The following ILDR1 variants were observed in gnomAD, a reference collection of about 807,000 sequenced individuals.
ILDR1 encodes immunoglobulin like domain containing receptor 1, also known as immunoglobulin-like domain-containing receptor 1.
In ILDR1, 56 loss-of-function variants were observed where a neutral mutation model predicts 62.4. That is an observed-to-expected ratio of 0.90 (90% CI 0.72 to 1.12). The LOEUF is 1.12. Ranked by LOEUF, ILDR1 falls within the 50% of genes most tolerant of loss-of-function variation. The pLI, the probability that ILDR1 is intolerant of heterozygous loss-of-function variation, is 0.00. For missense variants in ILDR1, 736 were observed against 710.6 expected (o/e 1.04, Z -0.41); for synonymous variants, 284 against 277.8 (o/e 1.02, Z -0.22).
chr3:122,053,902 AT>A, the ILDR1 span, among the ~76,000 whole-genome samples: 10 of 152,144 alleles, frequency 6.6e-5, no homozygotes, highest in African/African-American at 9.7e-5. Flanking sequence ...GTTTACATGG[AT>A]TTTTTTATCT....
the ILDR1 span, among the ~76,000 whole-genome samples, chr3:122,033,172 C>T: frequency 2.0e-5 from 3 of 152,106 alleles, no homozygotes; most frequent in South Asian, 6.2e-4. Context: ...ACAGTCTTTT[C>T]AATTATAGCT....
intron 1 of ILDR1, among the ~76,000 whole-genome samples, chr3:122,008,968 C>T (rs893028742): frequency 6.6e-6 from 1 of 151,080 alleles, no homozygotes; most frequent in African/African-American, 2.4e-5. Context: ...CAGTCTTGCT[C>T]TGTTGCCCAG....
rs748280061 is a variant in ILDR1 at position 121,993,171 on chromosome 3, T to C, written c.1578A>G (p.Lys526=). Residue 526 remains lysine (K), a synonymous_variant, in exon 7 of 8, where the codon AAA becomes AAG. Transcript: ENST00000344209. ...DITPGKNSRK[K]GSVERRSEKD... is the part of the protein sequence containing the mutation. Reference sequence around the variant, plus strand: ...TCACCGAGCGCCTCTCCACACTCCCTTTTTTCCTGCTATTCTTGCCTGGAG... The same window carrying C: ...TCACCGAGCGCCTCTCCACACTCCCCTTTTTCCTGCTATTCTTGCCTGGAG... The C allele has an allele frequency of 1.2e-5, 19 of 1,605,964 alleles. No individual in the cohort carries two copies. The highest frequency in any genetic ancestry group is 1.5e-5 in the Non-Finnish European group (18 of 1,176,030).
chr3:122,005,211 C>CCCCCATTT, intron 3 of ILDR1, 33 bp downstream of exon 3: 1 of 1,240,080 alleles, frequency 8.1e-7, no homozygotes, highest in Non-Finnish European at 1.2e-6. Context: ...CTCCCCCCAC[C>CCCCCATTT]CCCAGTTCCC....
At position 122,005,314 on chromosome 3, in the gene ILDR1, G is replaced by A; in HGVS notation, c.309C>T (p.Ala103=). Residue 103 remains alanine (A), a synonymous_variant, in exon 3 of 8, where the codon GCC becomes GCT. Coordinates refer to ENST00000344209, the MANE Select transcript of ILDR1 (RefSeq NM_001199799.2). ...CGGGCTCATTCTGCCCCCGCCGCTG[G>A]GCCACTATGCGAACTTCCCGCTGGT... The part of the protein sequence containing the change: ...NDNQREVRIV[A]QRRGQNEPVL... The A allele has an allele frequency of 1.2e-6, 2 of 1,613,980 alleles. No individual in the cohort carries two copies. The highest frequency in any genetic ancestry group is 1.7e-6 in the Non-Finnish European group (2 of 1,179,988).
chr3:122,036,436 A>C, the ILDR1 span, among the ~76,000 whole-genome samples: 3 of 152,038 alleles, frequency 2.0e-5, no homozygotes, highest in East Asian at 5.8e-4. Flanking sequence ...AAAAATACAA[A>C]AAATTAGCCA....
intron 3 of ILDR1, among the ~76,000 whole-genome samples, chr3:122,004,357 G>A (rs1487812729): frequency 2.6e-5 from 4 of 152,202 alleles, no homozygotes; most frequent in Non-Finnish European, 2.9e-5. Flanking sequence ...GATAACTAAT[G>A]CTTACTGCCC....
At chr3:121,988,976 C>T (rs761266632) in intron 7 of ILDR1, among the ~76,000 whole-genome samples, 2 of 152,140 alleles carry the variant, frequency 1.3e-5, no homozygotes, top group Admixed American at 6.5e-5. Flanking sequence ...TCCACTTCCT[C>T]GGTGAGGGTG....
chr3:122,047,247 G>C, the ILDR1 span, among the ~76,000 whole-genome samples: 3 of 152,078 alleles, frequency 2.0e-5, no homozygotes, highest in South Asian at 6.3e-4. Context: ...CAGGGGTCAG[G>C]GACCCACTTG....
the ILDR1 span, among the ~76,000 whole-genome samples, chr3:122,035,650 T>C: frequency 1.3e-5 from 2 of 152,192 alleles, no homozygotes; most frequent in Non-Finnish European, 2.9e-5. Flanking sequence ...TGCTCCACTA[T>C]GGTAAGATGT....
At chr3:122,060,954 G>C in the ILDR1 span, among the ~76,000 whole-genome samples, 1 of 152,132 alleles carries the variant, frequency 6.6e-6, no homozygotes, top group Non-Finnish European at 1.5e-5. Flanking sequence ...TTAGAGTTTG[G>C]AATAGAGAAG....
At chr3:122,005,756 A>C (rs751843567) in intron 2 of ILDR1, among the ~76,000 whole-genome samples, 3 of 151,812 alleles carry the variant, frequency 2.0e-5, no homozygotes, top group Non-Finnish European at 4.4e-5. Context: ...CCTGCCCTTA[A>C]AACATAAGGT....
the ILDR1 span, among the ~76,000 whole-genome samples, chr3:122,051,876 C>T: frequency 6.6e-6 from 1 of 152,164 alleles, no homozygotes; most frequent in Non-Finnish European, 1.5e-5. Flanking sequence ...TGGGCTTATG[C>T]ACGTAGATTC....
At chr3:122,007,497 T>C (rs989827910) in intron 1 of ILDR1, among the ~76,000 whole-genome samples, 28 of 152,176 alleles carry the variant, frequency 1.8e-4, no homozygotes, top group African/African-American at 5.8e-4. Context: ...AATATATTTT[T>C]TTCCTCACAT....
rs1183089448 is a variant in ILDR1, at chr3:121,993,577, T to C, written c.1172A>G (p.Glu391Gly). 6.2e-7 allele frequency: 1 copy of C among 1,614,088 alleles called. No individual in the cohort carries two copies. Among genetic ancestry groups the C allele is most frequent in the East Asian group, 2.2e-5 (1 of 44,888 alleles). The change falls in exon 7 of 8, where the codon GAA becomes GGA. Residue 391 changes from glutamate to glycine, a missense_variant. By Grantham distance (98) the Glu-to-Gly change is moderately conservative. Transcript: ENST00000344209. ...CCACGATGGGTCCAACTCCCTTCTT[T>C]CCAATGCCCAAGACTTTGGCCCCCG... ...QDRGPKSWAL[E>G]RRELDPSWSG...
the ILDR1 span, among the ~76,000 whole-genome samples, chr3:122,035,315 G>A: frequency 6.6e-6 from 1 of 152,174 alleles, no homozygotes; most frequent in African/African-American, 2.4e-5. Context: ...AGAGCTAGAG[G>A]AGGGCTTGTA....
chr3:122,052,345 G>A, the ILDR1 span, among the ~76,000 whole-genome samples: 2 of 152,158 alleles, frequency 1.3e-5, no homozygotes, highest in African/African-American at 4.8e-5. Flanking sequence ...AATATTGGTT[G>A]CATGCTTCAC....
At chr3:122,058,913 T>G in the ILDR1 span, among the ~76,000 whole-genome samples, 8 of 151,870 alleles carry the variant, frequency 5.3e-5, no homozygotes, top group African/African-American at 1.7e-4. Context: ...TTAAGAGATA[T>G]TTTAGCACCA....
At chr3:122,056,063 C>T in the ILDR1 span, among the ~76,000 whole-genome samples, 1 of 152,110 alleles carries the variant, frequency 6.6e-6, no homozygotes, top group African/African-American at 2.4e-5. Flanking sequence ...GCATGATGTG[C>T]TGGGTACTTT....
Sources: allele counts gnomAD v4.1 joint callset (sites outside exome capture counted in the v4.1 genomes callset), GRCh38; gene constraint gnomAD v4.1.1; transcripts MANE v1.5; gene names NCBI Gene and HGNC (gene_info 2026-07-23, HGNC 2026-07-21).